Variants in PPP1R3C observed in about 807,000 individuals in gnomAD.
PPP1R3C encodes protein phosphatase 1 regulatory subunit 3C, also known as PP1 subunit R5.
A neutral mutation model predicts 29.3 loss-of-function variants in PPP1R3C; 20 were observed. That is an observed-to-expected ratio of 0.68 (90% CI 0.48 to 0.99). The LOEUF is 0.99. Among genes scored for constraint, PPP1R3C ranks in the 50% least tolerant of loss-of-function variants. The pLI, the probability that PPP1R3C is intolerant of heterozygous loss-of-function variation, is 0.00. For synonymous variants in PPP1R3C, 123 were observed against 143.1 expected, an observed-to-expected ratio of 0.86 and a Z score of 1.00; for missense variants, 321 against 386.0, an observed-to-expected ratio of 0.83 and a Z score of 1.41.
intron 1 of PPP1R3C, among the ~76,000 whole-genome samples, chr10:91,631,812 T>C (rs1008953552): frequency 1.3e-5 from 2 of 152,196 alleles, no homozygotes; most frequent in Non-Finnish European, 2.9e-5. Flanking sequence ...AAAAACTCTA[T>C]AGGAAATACA....
chr10:91,630,332 T>G lies in PPP1R3C; in HGVS notation c.549A>C (p.Lys183Asn), dbSNP rs1405755798. The change falls in exon 2 of 2, where the codon AAA becomes AAC. Residue 183 changes from lysine to asparagine, a missense_variant. Physicochemically the swap from Lys to Asn is moderately conservative, Grantham distance 94. Transcript: ENST00000238994. The surrounding 1 kb of genome is among the most constrained non-coding windows in gnomAD (Gnocchi z 4.4). ...VKVKNVSFEK[K>N]VQIRITFDSW... ...AATCGAAAGTGATACGGATCTGAACTTTCTTCTCAAAACTCACATTTTTGA... is the reference window on the plus strand; with the variant it reads ...AATCGAAAGTGATACGGATCTGAACGTTCTTCTCAAAACTCACATTTTTGA... 6.2e-7 allele frequency: 1 copy of G among 1,614,202 alleles called. No homozygotes were observed. Among genetic ancestry groups the G allele is most frequent in the Admixed American group, 1.7e-5 (1 of 60,024 alleles).
chr10:91,632,201 A>C (rs1336638941), intron 1 of PPP1R3C, among the ~76,000 whole-genome samples: 1 of 152,216 alleles, frequency 6.6e-6, no homozygotes. Context: ...GTGTGTAATA[A>C]CACTCGCAGA....
chr10:91,630,441 C>T lies in PPP1R3C; in HGVS notation c.440G>A (p.Ser147Asn). ...DFPQPSTDYL[S>N]FRSHFQKNFV... is the part of the protein sequence containing the mutation. Reference sequence around the variant, plus strand: ...GTTCTTCTGAAAGTGGCTCCGGAAACTTAAGTAATCGGTTGAAGGCTGAGG... The same window carrying T: ...GTTCTTCTGAAAGTGGCTCCGGAAATTTAAGTAATCGGTTGAAGGCTGAGG... Residue 147 changes from serine (S) to asparagine (N), a missense_variant, in exon 2 of 2, where the codon AGT (serine) becomes AAT (asparagine). Physicochemically the swap from Ser to Asn is conservative, Grantham distance 46. Coordinates refer to ENST00000238994, the MANE Select transcript of PPP1R3C (RefSeq NM_005398.7). This position sits in a 1 kb window ranked among gnomAD's most constrained non-coding sequence, Gnocchi z 4.4. 6.2e-7 allele frequency: 1 copy of T among 1,614,202 alleles called. No individual in the cohort carries two copies. Among genetic ancestry groups the T allele is most frequent in the Non-Finnish European group, 8.5e-7 (1 of 1,180,042 alleles).
intron 1 of PPP1R3C, 68 bp downstream of exon 1, chr10:91,632,888 G>GC: frequency 2.6e-6 from 4 of 1,566,856 alleles, no homozygotes; most frequent in East Asian, 2.3e-5. Flanking sequence ...GAACTGAAAC[G>GC]CCCCCCAACT....
rs1468771976 is a variant in PPP1R3C, at chr10:91,630,577, A to C, written c.304T>G (p.Ser102Ala). Residue 102 changes from serine to alanine, a missense_variant, in exon 2 of 2, where the codon TCC (serine) becomes GCC (alanine). Transcript: ENST00000238994. This position sits in a 1 kb window ranked among gnomAD's most constrained non-coding sequence, Gnocchi z 4.4. ...CACGCTGGTTCTTCTGGGAGGTCGGAGAAGACATGGATCGCAGTGAGAGAG... is the reference window on the plus strand; with the variant it reads ...CACGCTGGTTCTTCTGGGAGGTCGGCGAAGACATGGATCGCAGTGAGAGAG... ...GLSLTAIHVF[S>A]DLPEEPAWDL... 1 of 1,613,920 alleles carries C rather than the reference A, an allele frequency of 6.2e-7. No homozygotes were observed. The highest frequency in any genetic ancestry group is 2.2e-5 in the East Asian group (1 of 44,870).
chr10:91,631,371 G>C (rs994886825), intron 1 of PPP1R3C, among the ~76,000 whole-genome samples: 1 of 152,022 alleles, frequency 6.6e-6, no homozygotes, highest in Non-Finnish European at 1.5e-5. Context: ...TCTGGGGCTA[G>C]GGCCAAGGGA....
rs754730704 is a variant in PPP1R3C at position 91,630,917 on chromosome 10, C to T, written c.15-51G>A. The T allele has an allele frequency of 6.7e-7, 1 of 1,498,242 alleles. No individual in the cohort carries two copies. The highest frequency in any genetic ancestry group is 1.4e-5 in the African/African-American group (1 of 72,750). 92.8% of individuals were successfully genotyped at this position (1,498,242 alleles called of 1,614,324 possible). A position where few individuals can be genotyped will look rare whatever the true frequency, so the allele number is the denominator to read the frequency against. On this transcript the variant is annotated intron_variant, in intron 1 of 1. Transcript: ENST00000238994. The surrounding 1 kb of genome is among the most constrained non-coding windows in gnomAD (Gnocchi z 4.4). ...ATCACCTGGATCGGAAATGCTCTTC[C>T]CCAGTGCCAAATACATATGTACTAT...
In PPP1R3C at chr10:91,630,805, T is replaced by G; in HGVS notation, c.76A>C (p.Met26Leu). ...GGTGAATGTGCCAAGCAAAGCCTCA[T>G]GGCCACATCCACGGGCATGACCGAA... ...TSSVMPVDVA[M>L]RLCLAHSPPV... The change falls in exon 2 of 2, where the codon ATG (methionine) becomes CTG (leucine). Residue 26 changes from methionine to leucine, a missense_variant. Coordinates refer to ENST00000238994, the MANE Select transcript of PPP1R3C (RefSeq NM_005398.7). The surrounding 1 kb of genome is among the most constrained non-coding windows in gnomAD (Gnocchi z 4.4). The G allele has an allele frequency of 6.2e-7, 1 of 1,614,172 alleles. No individual in the cohort carries two copies. The highest frequency in any genetic ancestry group is 1.1e-5 in the South Asian group (1 of 91,086).
rs770523447 is a variant in PPP1R3C, at chr10:91,630,857, C to A, written c.24G>T (p.Gln8His). 9 of 1,609,990 alleles carry A rather than the reference C, an allele frequency of 5.6e-6. No individual in the cohort carries two copies. The highest frequency in any genetic ancestry group is 7.6e-6 in the Non-Finnish European group (9 of 1,179,650). The change falls in exon 2 of 2, where the codon CAG (glutamine) becomes CAT (histidine). Residue 8 changes from glutamine to histidine, a missense_variant. Physicochemically the swap from Gln to His is conservative, Grantham distance 24. Transcript: ENST00000238994. The surrounding 1 kb of genome is among the most constrained non-coding windows in gnomAD (Gnocchi z 4.4). ...TTGTCAAAGGACGTGGATCTAAAAC[C>A]TGGATCATTCTGGAATGCAAAAAGA... MSCTRMI[Q>H]VLDPRPLTSS...
At chr10:91,632,777 G>C (rs554043210) in intron 1 of PPP1R3C, among the ~76,000 whole-genome samples, 179 bp downstream of exon 1, 1 of 152,168 alleles carries the variant, frequency 6.6e-6, no homozygotes, top group Non-Finnish European at 1.5e-5. Flanking sequence ...TTAAGAAATA[G>C]AGCCAAATTT....
At position 91,629,007 on chromosome 10, in the gene PPP1R3C, T is replaced by C. The variant is rs765293814; in HGVS notation, c.*920A>G. 2.0e-4 allele frequency: 31 copies of C among 152,238 alleles called. 1 individual carries two copies. The highest frequency in any genetic ancestry group is 7.5e-4 in the African/African-American group (31 of 41,462). The allele number at this position is 152,238 out of a possible 1,614,324, so 9.4% of individuals were successfully genotyped here. On this transcript the variant is annotated 3_prime_UTR_variant, in exon 2 of 2. Transcript: ENST00000238994. ...TGCCTGTGTACAGAGTGGACCATCTTATGAGGCCAAAAACCCATGAGTTAC... is the reference window on the plus strand; with the variant it reads ...TGCCTGTGTACAGAGTGGACCATCTCATGAGGCCAAAAACCCATGAGTTAC...
intron 1 of PPP1R3C, among the ~76,000 whole-genome samples, chr10:91,632,374 T>C (rs1371499109): frequency 6.6e-6 from 1 of 151,944 alleles, no homozygotes; most frequent in African/African-American, 2.4e-5. Flanking sequence ...AAAGTAGTTT[T>C]ATGGGAGGTT....
chr10:91,630,319 T>TA lies in PPP1R3C; in HGVS notation c.561dup (p.Ile188TyrfsTer11). 1 of 1,614,218 alleles carries TA rather than the reference T, an allele frequency of 6.2e-7. No individual in the cohort carries two copies. The highest frequency in any genetic ancestry group is 8.5e-7 in the Non-Finnish European group (1 of 1,180,034). On this transcript the variant is annotated frameshift_variant, in exon 2 of 2. Transcript: ENST00000238994. LOFTEE classifies it high-confidence loss of function. This position sits in a 1 kb window ranked among gnomAD's most constrained non-coding sequence, Gnocchi z 4.4. ...TAGTTTTTCCAAGAATCGAAAGTGA[T>TA]ACGGATCTGAACTTTCTTCTCAAAA...
chr10:91,630,913 C>T lies in PPP1R3C; in HGVS notation c.15-47G>A. 2.0e-6 allele frequency: 3 copies of T among 1,531,504 alleles called. No individual in the cohort carries two copies. Among genetic ancestry groups the T allele is most frequent in the Non-Finnish European group, 2.7e-6 (3 of 1,116,664 alleles). 94.9% of individuals were successfully genotyped at this position (1,531,504 alleles called of 1,614,324 possible). ...GATTATCACCTGGATCGGAAATGCT[C>T]TTCCCCAGTGCCAAATACATATGTA... is the stretch of plus-strand genomic sequence containing the variant. On this transcript the variant is annotated intron_variant, in intron 1 of 1. Transcript: ENST00000238994. This position sits in a 1 kb window ranked among gnomAD's most constrained non-coding sequence, Gnocchi z 4.4.
rs762136294 is a variant in PPP1R3C at position 91,632,978 on chromosome 10, G to C, written c.-9C>G. On this transcript the variant is annotated 5_prime_UTR_variant, in exon 1 of 2. Coordinates refer to ENST00000238994, the MANE Select transcript of PPP1R3C (RefSeq NM_005398.7). Reference sequence around the variant, plus strand: ...TACCTGGTGCAGCTCATTAGGCAGAGAGGCGGCGGACCCTAAAAGCCAGCA... The same window carrying C: ...TACCTGGTGCAGCTCATTAGGCAGACAGGCGGCGGACCCTAAAAGCCAGCA... The C allele has an allele frequency of 3.7e-6, 6 of 1,612,394 alleles. No individual in the cohort carries two copies. The South Asian group carries it at 4.4e-5, about 12-fold the overall frequency.
At chr10:91,631,722 A>C (rs1038213781) in intron 1 of PPP1R3C, among the ~76,000 whole-genome samples, 4 of 152,230 alleles carry the variant, frequency 2.6e-5, no homozygotes, top group Non-Finnish European at 5.9e-5. Context: ...ACAAGTCCAC[A>C]TTTAAGTGGA....
chr10:91,632,855 G>A, intron 1 of PPP1R3C, 101 bp downstream of exon 1: 1 of 1,495,344 alleles, frequency 6.7e-7, no homozygotes, highest in South Asian at 1.2e-5. Flanking sequence ...CTCCCCCTGG[G>A]GTGTCCATTT....
intron 1 of PPP1R3C, among the ~76,000 whole-genome samples, chr10:91,631,990 A>C (rs1443578504): frequency 1.3e-5 from 2 of 152,192 alleles, no homozygotes; most frequent in Non-Finnish European, 2.9e-5. Context: ...TTAAACCAAG[A>C]AGCATCTATA....
rs1168332655 is a variant in PPP1R3C, at chr10:91,628,967, T to C, written c.*960A>G. 3.3e-5 allele frequency: 5 copies of C among 152,238 alleles called. No homozygotes were observed. The highest frequency in any genetic ancestry group is 1.2e-4 in the African/African-American group (5 of 41,426). 9.4% of individuals were successfully genotyped at this position (152,238 alleles called of 1,614,324 possible). ...TGACAACGGTCTCAAAGATACAACATTATTGCAGGAGGAATGCCTGTGTAC... is the reference window on the plus strand; with the variant it reads ...TGACAACGGTCTCAAAGATACAACACTATTGCAGGAGGAATGCCTGTGTAC... On this transcript the variant is annotated 3_prime_UTR_variant, in exon 2 of 2. Coordinates refer to ENST00000238994, the MANE Select transcript of PPP1R3C (RefSeq NM_005398.7).
Sources: gnomAD v4.1 joint callset for allele counts (sites outside exome capture counted in the v4.1 genomes callset) on GRCh38, gnomAD v4.1.1 for gene constraint, Gnocchi (gnomAD v3.1) non-coding constraint, MANE v1.5 for transcripts, NCBI Gene and HGNC (gene_info 2026-07-23, HGNC 2026-07-21) for gene names.